Variants in PREX2 observed in about 807,000 individuals in gnomAD.
PREX2 encodes phosphatidylinositol 3,4,5-trisphosphate-dependent Rac exchanger 2 protein.
PREX2 carries 107 observed loss-of-function variants against 203.2 expected under a neutral mutation model. That is an observed-to-expected ratio of 0.53 (90% confidence interval 0.45 to 0.62). The LOEUF is 0.62. Among genes scored for constraint, PREX2 ranks in the 20% least tolerant of loss-of-function variants. The pLI is 0.00. For synonymous variants in PREX2, 672 were observed against 663.6 expected (o/e 1.01, Z -0.19); for missense variants, 1,777 against 1,955.9 (o/e 0.91, Z 1.72).
chr8:68,223,285 T>G (rs1426222102), intron 38 of PREX2: 1 of 152,196 alleles, frequency 6.6e-6, no homozygotes, highest in Non-Finnish European at 1.5e-5. Context: ...AATAAAAAGT[T>G]TTCTTTGTTT....
At chr8:68,174,631 A>G (rs1339499458) in intron 35 of PREX2, among the ~76,000 whole-genome samples, 2 of 152,132 alleles carry the variant, frequency 1.3e-5, no homozygotes, top group African/African-American at 2.4e-5. Context: ...AAATAATCCT[A>G]TTCCATGATT....
intron 8 of PREX2, among the ~76,000 whole-genome samples, chr8:68,045,271 T>G (rs970890843): frequency 3.3e-5 from 5 of 152,198 alleles, no homozygotes; most frequent in African/African-American, 9.6e-5. Context: ...TAAAGTGAAT[T>G]CCATTTTTCC....
intron 37 of PREX2, among the ~76,000 whole-genome samples, chr8:68,193,676 A>C (rs192687943): frequency 3.3e-5 from 5 of 152,254 alleles, no homozygotes; most frequent in African/African-American, 1.2e-4. Flanking sequence ...TAAATGGTCT[A>C]GGAAAGTTAC....
In PREX2 at chr8:68,019,647, A is replaced by T. The variant is rs1585710585; in HGVS notation, c.312A>T (p.Glu104Asp). 6.2e-7 allele frequency: 1 copy of T among 1,610,992 alleles called. No individual in the cohort carries two copies. Among genetic ancestry groups the T allele is most frequent in the Non-Finnish European group, 8.5e-7 (1 of 1,179,242 alleles). Residue 104 changes from glutamate to aspartate, a missense_variant, in exon 3 of 40, where the codon GAA becomes GAT. Physicochemically the swap from Glu to Asp is conservative, Grantham distance 45 (BLOSUM62 2). Coordinates refer to ENST00000288368, the MANE Select transcript of PREX2 (RefSeq NM_024870.4). ...CLHPEPNAQQ[E>D]VGTCFLHFKD... ...ACCCCGAACCTAATGCTCAACAAGA[A>T]GTGGGAACCTGCTTTCTTCACTTTG...
At chr8:68,081,517 T>G (rs990976022) in intron 17 of PREX2, among the ~76,000 whole-genome samples, 2 of 152,272 alleles carry the variant, frequency 1.3e-5, no homozygotes, top group Admixed American at 6.5e-5. Flanking sequence ...TGGAGCCCCG[T>G]GGAGACTGCA....
chr8:68,146,543 A>T (rs1413115826), intron 34 of PREX2, among the ~76,000 whole-genome samples, 191 bp downstream of exon 34: 25 of 152,332 alleles, frequency 1.6e-4, no homozygotes. Flanking sequence ...ATACAGTTGC[A>T]GCATTATTTA....
At chr8:68,186,802 G>A (rs957538934) in intron 35 of PREX2, among the ~76,000 whole-genome samples, 1 of 152,156 alleles carries the variant, frequency 6.6e-6, no homozygotes, top group East Asian at 1.9e-4. Flanking sequence ...GTGAGCCACC[G>A]TGCCCAGCCT....
At chr8:67,960,696 T>C (rs571695260) in intron 1 of PREX2, among the ~76,000 whole-genome samples, 5 of 152,216 alleles carry the variant, frequency 3.3e-5, no homozygotes, top group Admixed American at 1.3e-4. Context: ...CTCTATGAAG[T>C]TGAACTCTGG....
Position 68,134,107 on chromosome 8 carries a change from T to G in PREX2, c.3815T>G (p.Val1272Gly). The G allele has an allele frequency of 6.2e-7, 1 of 1,614,180 alleles. No homozygotes were observed. ...GACATGGTTTTCTGCCAGACTCTTG[T>G]GGCCACTGTCTGTGCCTTCTCTGAG... ...RRDMVFCQTL[V>G]ATVCAFSEQL... Residue 1272 changes from valine (V) to glycine (G), a missense_variant, in exon 32 of 40, where the codon GTG becomes GGG. Val to Gly is a moderately radical substitution (Grantham distance 109). Transcript: ENST00000288368.
Position 68,097,006 on chromosome 8 carries a change from C to T in PREX2, c.2369-11C>T. On this transcript the variant is annotated splice_polypyrimidine_tract_variant and intron_variant, in intron 21 of 39. Transcript: ENST00000288368. ...CATGAATTTACTGAGTTACAGTTGT[C>T]TTTGTTCCAGAGGTTATTGACAAAT... is the stretch of plus-strand genomic sequence containing the variant. 3 of 1,608,654 alleles carry T rather than the reference C, an allele frequency of 1.9e-6. No homozygotes were observed. Among genetic ancestry groups the T allele is most frequent in the Non-Finnish European group, 2.6e-6 (3 of 1,175,836 alleles).
chr8:68,132,708 A>G (rs765876713), intron 31 of PREX2, among the ~76,000 whole-genome samples: 2 of 152,180 alleles, frequency 1.3e-5, no homozygotes, highest in Non-Finnish European at 2.9e-5. Flanking sequence ...TTATACACTA[A>G]TATTGACAAT....
At chr8:68,194,295 G>A (rs1483193926) in intron 37 of PREX2, among the ~76,000 whole-genome samples, 2 of 152,034 alleles carry the variant, frequency 1.3e-5, no homozygotes, top group African/African-American at 4.8e-5. Flanking sequence ...GGGGGGAAAC[G>A]GTTGATAAAG....
intron 37 of PREX2, among the ~76,000 whole-genome samples, chr8:68,199,041 A>T (rs1406443223): frequency 6.6e-6 from 1 of 152,178 alleles, no homozygotes; most frequent in African/African-American, 2.4e-5. Flanking sequence ...CTATTCCAGG[A>T]AACAGGGTCC....
intron 23 of PREX2, among the ~76,000 whole-genome samples, chr8:68,103,281 A>G (rs1302275286): frequency 6.6e-6 from 1 of 152,146 alleles, no homozygotes; most frequent in African/African-American, 2.4e-5. Flanking sequence ...CAAAACTTCT[A>G]TAACCCCATG....
chr8:68,021,819 A>G (rs1457769615), intron 3 of PREX2, among the ~76,000 whole-genome samples: 1 of 152,112 alleles, frequency 6.6e-6, no homozygotes. Context: ...ACTTGAATTC[A>G]TCACAATGGA....
chr8:68,202,135 C>A (rs370379947), intron 37 of PREX2, among the ~76,000 whole-genome samples: 7 of 151,966 alleles, frequency 4.6e-5, no homozygotes, highest in African/African-American at 1.7e-4. Flanking sequence ...CTCCTGAACT[C>A]GTGATCCACC....
At chr8:67,960,209 CTT>C (rs1259717927) in intron 1 of PREX2, among the ~76,000 whole-genome samples, 21 of 152,142 alleles carry the variant, frequency 1.4e-4, no homozygotes, top group African/African-American at 5.1e-4. Context: ...GCCCAGCTAA[CTT>C]TTTCTAATTT....
Position 68,055,848 on chromosome 8 carries a change from A to G in PREX2, c.1112A>G (p.Glu371Gly). The stretch of plus-strand genomic sequence containing the variant: ...TTGATAGGTTTAAAATTAGGAATGG[A>G]GCAAGATACCTGGGTCATGATCTCT... ...ERRKGLKLGM[E>G]QDTWVMISEQ... The change falls in exon 10 of 40, where the codon GAG becomes GGG. Residue 371 changes from glutamate (E) to glycine (G), a missense_variant. Coordinates refer to ENST00000288368, the MANE Select transcript of PREX2 (RefSeq NM_024870.4). 6.2e-7 allele frequency: 1 copy of G among 1,612,214 alleles called. No individual in the cohort carries two copies. Among genetic ancestry groups the G allele is most frequent in the Non-Finnish European group, 8.5e-7 (1 of 1,179,458 alleles).
chr8:68,060,918 G>T, intron 11 of PREX2, 139 bp downstream of exon 11: 1 of 591,626 alleles, frequency 1.7e-6, no homozygotes. Flanking sequence ...TACCTAATAA[G>T]TGTAGAACAG....
Sources: gnomAD v4.1 joint callset for allele counts (sites outside exome capture counted in the v4.1 genomes callset) on GRCh38, gnomAD v4.1.1 for gene constraint, MANE v1.5 for transcripts, NCBI Gene and HGNC (gene_info 2026-07-23, HGNC 2026-07-21) for gene names.